The following COMMD1 variants were observed in gnomAD, a reference collection of about 807,000 sequenced individuals.
The protein encoded by COMMD1 is copper metabolism domain containing 1, also known as COMM domain-containing protein 1.
COMMD1 carries 10 observed loss-of-function variants against 17.2 expected under a neutral mutation model. The ratio of observed to expected loss-of-function variants is 0.58; its 90% confidence interval spans 0.36 to 0.99. The LOEUF (loss-of-function observed/expected upper bound fraction) is 0.99. Among genes scored for constraint, COMMD1 ranks in the 50% least tolerant of loss-of-function variants. The pLI is 0.01. For missense variants in COMMD1, 270 were observed against 231.8 expected, an observed-to-expected ratio of 1.17 and a Z score of -1.07; for synonymous variants, 97 against 91.6, an observed-to-expected ratio of 1.06 and a Z score of -0.34.
chr2:62,092,365 T>C (rs1671856378), intron 2 of COMMD1, among the ~76,000 whole-genome samples: 1 of 152,214 alleles, frequency 6.6e-6, no homozygotes, highest in African/African-American at 2.4e-5. Context: ...TCTGGAAGTA[T>C]GTCTGCTTTC....
At chr2:62,012,270 T>TACACACACACACAC (rs57739132) in intron 2 of COMMD1, among the ~76,000 whole-genome samples, 17 of 129,934 alleles carry the variant, frequency 1.3e-4, no homozygotes, top group Admixed American at 3.9e-4. Flanking sequence ...CACACACACA[T>TACACACACACACAC]ACACACACAC....
chr2:62,102,033 A>G (rs1447110945), intron 2 of COMMD1, among the ~76,000 whole-genome samples: 2 of 152,170 alleles, frequency 1.3e-5, no homozygotes, highest in African/African-American at 4.8e-5. Flanking sequence ...TCTTGAAGCT[A>G]TCTAGGGGCC....
At chr2:61,938,422 C>T (rs970855503) in intron 1 of COMMD1, among the ~76,000 whole-genome samples, 1 of 152,052 alleles carries the variant, frequency 6.6e-6, no homozygotes, top group African/African-American at 2.4e-5. Flanking sequence ...AAGCCCTGGG[C>T]GTGTGGAAAG....
intron 2 of COMMD1, among the ~76,000 whole-genome samples, chr2:62,075,585 G>T (rs1402454155): frequency 6.6e-6 from 1 of 152,182 alleles, no homozygotes; most frequent in East Asian, 1.9e-4. Flanking sequence ...TAGTTGAACA[G>T]AATGAAACTG....
intron 2 of COMMD1, among the ~76,000 whole-genome samples, chr2:62,125,598 A>T (rs72803348): frequency 0.016 from 2,493 of 151,756 alleles, 38 homozygotes; most frequent in Admixed American, 0.028. Context: ...GTTATTGTTT[A>T]AAAAAAAACT....
At chr2:61,922,787 A>G (rs747215832) in intron 1 of COMMD1, among the ~76,000 whole-genome samples, 2 of 152,252 alleles carry the variant, frequency 1.3e-5, no homozygotes, top group Admixed American at 6.5e-5. Context: ...CAAAGATTGT[A>G]TATCCAGTAT....
intron 1 of COMMD1, among the ~76,000 whole-genome samples, chr2:61,923,862 C>T (rs1179240570): frequency 6.6e-6 from 1 of 152,114 alleles, no homozygotes; most frequent in African/African-American, 2.4e-5. Flanking sequence ...TTGCAACTTC[C>T]TCCTCCCAGG....
intron 1 of COMMD1, among the ~76,000 whole-genome samples, chr2:61,954,389 T>G (rs1485050120): frequency 6.6e-6 from 1 of 152,188 alleles, no homozygotes. Context: ...ATCAATTAGT[T>G]ACATTTTGCA....
At chr2:62,077,769 C>T (rs778229555) in intron 2 of COMMD1, among the ~76,000 whole-genome samples, 1 of 151,978 alleles carries the variant, frequency 6.6e-6, no homozygotes, top group Non-Finnish European at 1.5e-5. Context: ...CCAAGGTGGT[C>T]GGGGTGCAGC....
intron 2 of COMMD1, among the ~76,000 whole-genome samples, chr2:62,096,453 G>C (rs1206024666): frequency 1.3e-5 from 2 of 152,200 alleles, no homozygotes; most frequent in Non-Finnish European, 2.9e-5. Flanking sequence ...GTAAAAGGAA[G>C]ACTATGATTG....
At chr2:62,006,233 T>G (rs1669114799) in intron 2 of COMMD1, among the ~76,000 whole-genome samples, 1 of 146,954 alleles carries the variant, frequency 6.8e-6, no homozygotes, top group African/African-American at 2.5e-5. Context: ...CATTAGGAGA[T>G]ATACCTAATG....
chr2:61,940,715 T>G (rs907243321), intron 1 of COMMD1, among the ~76,000 whole-genome samples: 16 of 150,602 alleles, frequency 1.1e-4, no homozygotes, highest in Non-Finnish European at 1.8e-4. Flanking sequence ...TGAGGCAGAG[T>G]CTCTGTCACC....
intron 2 of COMMD1, among the ~76,000 whole-genome samples, chr2:62,089,869 C>T (rs10183829): frequency 0.028 from 4,231 of 152,140 alleles, 103 homozygotes; most frequent in East Asian, 0.082. Flanking sequence ...CAACTAACAG[C>T]AGCAGGTCCC....
chr2:61,996,605 AC>A (rs1668762275), intron 1 of COMMD1, among the ~76,000 whole-genome samples: 1 of 152,156 alleles, frequency 6.6e-6, no homozygotes, highest in South Asian at 2.1e-4. Flanking sequence ...TGCTTTATCA[AC>A]TAAGTTTCTG....
chr2:62,007,546 C>T (rs1428614346), intron 2 of COMMD1, among the ~76,000 whole-genome samples: 5 of 152,158 alleles, frequency 3.3e-5, no homozygotes, highest in Non-Finnish European at 4.4e-5. Flanking sequence ...GATGATAATA[C>T]TGTATTTTAA....
At position 61,898,826 on chromosome 2, in the gene COMMD1, G is replaced by A. The variant is rs147334721; in HGVS notation, n.119+9984G>A. On this transcript the variant is annotated intron_variant and non_coding_transcript_variant, in intron 1 of 2. Transcript: ENST00000472729. ...AAGGCTTCAGGGTCTTTTTCTTACC[G>A]TTTCCTTGCCTTAGACAATTCTTTT... is the stretch of plus-strand genomic sequence containing the variant. Among the ~76,000 whole-genome samples, 174 of 152,174 alleles carry A rather than the reference G, an allele frequency of 1.1e-3. 2 individuals carry two copies. The highest frequency in any genetic ancestry group is 6.8e-3 in the Middle Eastern group (2 of 294).
intron 1 of COMMD1, among the ~76,000 whole-genome samples, chr2:61,940,695 T>TG (rs1670721050): frequency 6.6e-6 from 1 of 151,968 alleles, no homozygotes; most frequent in East Asian, 1.9e-4. Context: ...TGAATTCTTT[T>TG]TTTTTTTTTT....
intron 2 of COMMD1, among the ~76,000 whole-genome samples, chr2:62,003,434 G>A (rs1385547902): frequency 6.6e-6 from 1 of 151,778 alleles, no homozygotes; most frequent in African/African-American, 2.4e-5. Context: ...CCAGCTACTG[G>A]GGAGTCTGAG....
intron 1 of COMMD1, among the ~76,000 whole-genome samples, chr2:61,941,849 A>C (rs1364685059): frequency 6.6e-6 from 1 of 152,188 alleles, no homozygotes; most frequent in Admixed American, 6.5e-5. Context: ...TGATGATACC[A>C]ATCTATGAAA....
Sources: allele counts gnomAD v4.1 joint callset (sites outside exome capture counted in the v4.1 genomes callset), GRCh38; gene constraint gnomAD v4.1.1; transcripts MANE v1.5; gene names NCBI Gene and HGNC (gene_info 2026-07-23, HGNC 2026-07-21).